Variants in CWC27 observed in about 807,000 individuals in gnomAD.
CWC27 encodes CWC27 spliceosome associated cyclophilin.
A neutral mutation model predicts 63.6 loss-of-function variants in CWC27; 47 were observed. The ratio of observed to expected loss-of-function variants is 0.74; its 90% CI spans 0.58 to 0.94. CWC27 has a LOEUF of 0.94. CWC27 is among the 40% of genes least tolerant of loss of function. The pLI is 0.00. For synonymous variants in CWC27, 175 were observed against 179.8 expected, an observed-to-expected ratio of 0.97 and a Z score of 0.22; for missense variants, 495 against 554.3, an observed-to-expected ratio of 0.89 and a Z score of 1.07.
intron 11 of CWC27, among the ~76,000 whole-genome samples, chr5:64,943,920 G>A (rs1483644959): frequency 6.6e-6 from 1 of 152,052 alleles, no homozygotes; most frequent in East Asian, 1.9e-4. Context: ...TGAGCAACAA[G>A]AAGAAAACCG....
Position 64,773,484 on chromosome 5 carries a change from G to A in CWC27, c.43-1207G>A, listed in dbSNP as rs986298433. On this transcript the variant is annotated intron_variant, in intron 1 of 13. Transcript: ENST00000381070. ...GTAAATAGGGAGTGACTGCTAATGA[G>A]TACAGGGTTTCTTTTTAGGGTGGTG... Among the ~76,000 whole-genome samples, 40 of 152,146 alleles carry A rather than the reference G, an allele frequency of 2.6e-4. 1 individual carries two copies. Among genetic ancestry groups the A allele is most frequent in the Non-Finnish European group, 2.9e-5 (2 of 68,030 alleles).
chr5:64,768,918 C>T (rs182629036), upstream of CWC27: 2,448 of 574,500 alleles, frequency 4.3e-3, 27 homozygotes, highest in Non-Finnish European at 3.8e-3. Flanking sequence ...TGGAATAACC[C>T]TTCTCAGGGT....
chr5:64,793,318 A>T (rs1004891113), intron 7 of CWC27, among the ~76,000 whole-genome samples: 3 of 152,174 alleles, frequency 2.0e-5, no homozygotes, highest in African/African-American at 7.2e-5. Flanking sequence ...TACAGAATTT[A>T]ACTTTTTTGT....
chr5:64,937,921 C>CTTTTTTTTTTT (rs1211082437), intron 11 of CWC27, among the ~76,000 whole-genome samples: 24 of 99,296 alleles, frequency 2.4e-4, no homozygotes, highest in African/African-American at 7.5e-4. Context: ...GCAATCTCTG[C>CTTTTTTTTTTT]TTTTTTTTTT....
intron 11 of CWC27, among the ~76,000 whole-genome samples, chr5:64,923,128 G>A (rs535813664): frequency 6.6e-6 from 1 of 152,164 alleles, no homozygotes; most frequent in Non-Finnish European, 1.5e-5. Flanking sequence ...AGGGGCAGTG[G>A]CAGGTCAGAG....
At chr5:64,828,682 C>T (rs1439409200) in intron 10 of CWC27, among the ~76,000 whole-genome samples, 1 of 151,948 alleles carries the variant, frequency 6.6e-6, no homozygotes, top group African/African-American at 2.4e-5. Context: ...ACAGATAAAG[C>T]TTTTATGAAT....
intron 9 of CWC27, among the ~76,000 whole-genome samples, chr5:64,803,864 G>A (rs1300452203): frequency 6.6e-6 from 1 of 152,018 alleles, no homozygotes; most frequent in African/African-American, 2.4e-5. Context: ...CCCTGTTGAG[G>A]TCAGTATGCT....
chr5:64,789,021 G>A lies in CWC27; in HGVS notation c.669+1G>A. 2.5e-6 allele frequency: 4 copies of A among 1,599,396 alleles called. No individual in the cohort carries two copies. In the South Asian group the frequency reaches 3.4e-5, roughly 14 times the overall value. On this transcript the variant is annotated splice_donor_variant, in intron 7 of 13. Coordinates refer to ENST00000381070, the MANE Select transcript of CWC27 (RefSeq NM_005869.4). LOFTEE classifies it high-confidence loss of function. ...GGAGGAAGTAAATCGAGTTAGTCAGGTAATCTCTAATTTGCCCTTTGTTCT... is the reference window on the plus strand; with the variant it reads ...GGAGGAAGTAAATCGAGTTAGTCAGATAATCTCTAATTTGCCCTTTGTTCT...
intron 7 of CWC27, among the ~76,000 whole-genome samples, chr5:64,798,627 A>T (rs1744365709): frequency 6.6e-6 from 1 of 152,224 alleles, no homozygotes; most frequent in Non-Finnish European, 1.5e-5. Flanking sequence ...CACTATAAGC[A>T]TGTTTTAATT....
At chr5:64,866,924 C>T (rs1278103966) in intron 10 of CWC27, among the ~76,000 whole-genome samples, 3 of 151,992 alleles carry the variant, frequency 2.0e-5, no homozygotes, top group African/African-American at 4.8e-5. Context: ...TCACTCACTA[C>T]AAGGTATGAG....
chr5:64,861,012 C>G lies in CWC27; in HGVS notation c.939-24431C>G, dbSNP rs1246944058. On this transcript the variant is annotated intron_variant, in intron 10 of 13. Coordinates refer to ENST00000381070, the MANE Select transcript of CWC27 (RefSeq NM_005869.4). ...TCATAATGTTCTGCAATATCTGGGACCTTAGTTGGGGCTCCTCAAATGGTT... is the reference window on the plus strand; with the variant it reads ...TCATAATGTTCTGCAATATCTGGGAGCTTAGTTGGGGCTCCTCAAATGGTT... Among the ~76,000 whole-genome samples, 8 of 152,034 alleles carry G rather than the reference C, an allele frequency of 5.3e-5. No homozygotes were observed. In the East Asian group the frequency reaches 1.3e-3, roughly 26 times the overall value.
chr5:64,933,008 C>G (rs924663563), intron 11 of CWC27, among the ~76,000 whole-genome samples: 5 of 152,286 alleles, frequency 3.3e-5, no homozygotes, highest in Admixed American at 1.3e-4. Flanking sequence ...GTAAAATTAT[C>G]TAATCATCTA....
At chr5:64,979,886 C>A (rs1448874700) in intron 13 of CWC27, among the ~76,000 whole-genome samples, 1 of 149,530 alleles carries the variant, frequency 6.7e-6, no homozygotes, top group Non-Finnish European at 1.5e-5. Context: ...ATTCTATTCG[C>A]ATTTTTGGCT....
chr5:65,018,461 C>T lies in CWC27; in HGVS notation c.*140C>T. 1.4e-6 allele frequency: 1 copy of T among 725,874 alleles called. No homozygotes were observed. The highest frequency in any genetic ancestry group is 2.1e-6 in the Non-Finnish European group (1 of 476,228). 45.0% of individuals were successfully genotyped at this position (725,874 alleles called of 1,614,324 possible). ...TTGTCTGGTTTTGAAAAACAATTAT[C>T]TTGTTTTGCAAATTGTGGAATGATG... On this transcript the variant is annotated 3_prime_UTR_variant, in exon 14 of 14. Transcript: ENST00000381070.
intron 10 of CWC27, among the ~76,000 whole-genome samples, chr5:64,819,604 G>T (rs1745140168): frequency 6.6e-6 from 1 of 152,004 alleles, no homozygotes; most frequent in Non-Finnish European, 1.5e-5. Context: ...CACCATGTAA[G>T]ATGTGACTTT....
intron 10 of CWC27, among the ~76,000 whole-genome samples, chr5:64,828,046 G>A (rs1745411434): frequency 1.3e-5 from 2 of 152,148 alleles, no homozygotes; most frequent in East Asian, 1.9e-4. Flanking sequence ...CGTGCTTTCC[G>A]CAGTTTTATC....
intron 11 of CWC27, among the ~76,000 whole-genome samples, chr5:64,890,882 C>G (rs567726693): frequency 6.6e-6 from 1 of 152,160 alleles, no homozygotes; most frequent in South Asian, 2.1e-4. Context: ...CCAGAAAAGG[C>G]ACTGACCTGT....
intron 1 of CWC27, among the ~76,000 whole-genome samples, chr5:64,769,515 G>A (rs1743163883): frequency 6.6e-6 from 1 of 152,138 alleles, no homozygotes; most frequent in African/African-American, 2.4e-5. Flanking sequence ...GCTTAACTAA[G>A]GTCATTCATT....
intron 11 of CWC27, among the ~76,000 whole-genome samples, chr5:64,937,223 T>A (rs1748373725): frequency 6.6e-6 from 1 of 152,212 alleles, no homozygotes; most frequent in Non-Finnish European, 1.5e-5. Flanking sequence ...AGCTTTCTCC[T>A]GTGGGTATTT....
Sources: gnomAD v4.1 joint callset for allele counts (sites outside exome capture counted in the v4.1 genomes callset) on GRCh38, gnomAD v4.1.1 for gene constraint, MANE v1.5 for transcripts, NCBI Gene and HGNC (gene_info 2026-07-23, HGNC 2026-07-21) for gene names.